Variants in VPS13C observed in about 807,000 individuals in gnomAD.
VPS13C encodes the protein intermembrane lipid transfer protein VPS13C.
VPS13C carries 358 observed loss-of-function variants against 456.8 expected under a neutral mutation model. The observed-to-expected ratio is 0.78, with a 90% CI of 0.72 to 0.86. The LOEUF (loss-of-function observed/expected upper bound fraction) is 0.86, where lower values mean the gene tolerates loss of function less well. Among genes scored for constraint, VPS13C ranks in the 40% least tolerant of loss-of-function variants. The probability of loss-of-function intolerance (pLI) is 0.00; values close to 1 mark genes in which losing one functional copy is unlikely to be tolerated. For missense variants in VPS13C, 4,818 were observed against 4,385.4 expected (o/e 1.10, Z -2.79); for synonymous variants, 1,578 against 1,486.7 (o/e 1.06, Z -1.41).
intron 14 of VPS13C, among the ~76,000 whole-genome samples, chr15:62,008,335 A>T (rs536273965): frequency 6.6e-6 from 1 of 152,096 alleles, no homozygotes; most frequent in East Asian, 1.9e-4. Context: ...GGGAGGCACA[A>T]GTTGCAGTGA....
chr15:62,029,993 T>C (rs1401655741), intron 5 of VPS13C, among the ~76,000 whole-genome samples: 1 of 152,040 alleles, frequency 6.6e-6, no homozygotes, highest in African/African-American at 2.4e-5. Context: ...GAATTAAACA[T>C]AGACGAGCAA....
intron 19 of VPS13C, 52 bp downstream of exon 19, chr15:61,984,805 G>T: frequency 1.3e-6 from 2 of 1,550,300 alleles, no homozygotes; most frequent in Non-Finnish European, 1.8e-6. Flanking sequence ...CACATTTTTT[G>T]CCTAAAACTA....
intron 66 of VPS13C, among the ~76,000 whole-genome samples, chr15:61,894,447 T>C (rs1555412614): frequency 1.3e-5 from 2 of 151,626 alleles, no homozygotes; most frequent in Non-Finnish European, 2.9e-5. Context: ...CTGGGTAAAT[T>C]AAAAAATATG....
chr15:61,971,616 G>T (rs187429710), intron 27 of VPS13C, among the ~76,000 whole-genome samples: 52 of 152,300 alleles, frequency 3.4e-4, no homozygotes, highest in Admixed American at 2.9e-3. Flanking sequence ...GTACCTGATG[G>T]AAGCAAAGAC....
chr15:62,053,123 A>G (rs2140791651), intron 1 of VPS13C, among the ~76,000 whole-genome samples: 1 of 152,306 alleles, frequency 6.6e-6, no homozygotes, highest in East Asian at 1.9e-4. Context: ...CTGAGCCTAA[A>G]TATGTATTAC....
intron 67 of VPS13C, 74 bp downstream of exon 67, chr15:61,890,091 C>A: frequency 7.2e-7 from 1 of 1,398,320 alleles, no homozygotes; most frequent in South Asian, 1.3e-5. Context: ...TATCTTTTTA[C>A]TTTCTTCAAA....
At chr15:62,037,317 T>C (rs1249298570) in intron 3 of VPS13C, among the ~76,000 whole-genome samples, 2 of 71,270 alleles carry the variant, frequency 2.8e-5, no homozygotes, top group Non-Finnish European at 5.0e-5. Context: ...TATAAATATA[T>C]TATATATTAT....
intron 66 of VPS13C, among the ~76,000 whole-genome samples, chr15:61,899,070 A>C (rs2042919042): frequency 1.8e-5 from 1 of 54,432 alleles, no homozygotes; most frequent in African/African-American, 7.3e-5. Flanking sequence ...ACAAAGACAC[A>C]ACATACCAGA....
chr15:61,924,077 G>A (rs557325783), intron 53 of VPS13C, among the ~76,000 whole-genome samples: 33 of 151,010 alleles, frequency 2.2e-4, no homozygotes, highest in South Asian at 1.1e-3. Flanking sequence ...CGTTTTAGCC[G>A]GGATGGTCTC....
intron 6 of VPS13C, 81 bp from the exon 7 acceptor site, chr15:62,023,926 T>G: frequency 3.0e-6 from 4 of 1,347,844 alleles, no homozygotes; most frequent in Non-Finnish European, 3.0e-6. Context: ...AACAAGAGAA[T>G]TTTTCCTAAC....
In VPS13C at chr15:61,962,867, GTAT is replaced by G. The variant is rs750718765; in HGVS notation, c.3332-18_3332-16del. 1 of 1,534,994 alleles carries G rather than the reference GTAT, an allele frequency of 6.5e-7. No homozygotes were observed. The highest frequency in any genetic ancestry group is 8.9e-7 in the Non-Finnish European group (1 of 1,118,726). On this transcript the variant is annotated splice_polypyrimidine_tract_variant and intron_variant, in intron 32 of 84. Coordinates refer to ENST00000644861, the MANE Select transcript of VPS13C (RefSeq NM_020821.3). ...GGAATCCAGTCCTGAAAAAAAGAGT[GTAT>G]TATTATAATTTCTACAGACCTACCA...
intron 1 of VPS13C, among the ~76,000 whole-genome samples, 193 bp from the exon 2 acceptor site, chr15:62,044,448 T>C (rs112785722): frequency 3.2e-4 from 49 of 152,302 alleles, no homozygotes; most frequent in African/African-American, 1.0e-3. Flanking sequence ...TAGCATACTA[T>C]AGGTTAATCC....
intron 31 of VPS13C, among the ~76,000 whole-genome samples, chr15:61,964,183 A>C (rs1302742607): frequency 2.0e-5 from 3 of 152,098 alleles, no homozygotes; most frequent in Admixed American, 2.0e-4. Flanking sequence ...ACTACAATAA[A>C]TAAATAAGGA....
intron 37 of VPS13C, among the ~76,000 whole-genome samples, chr15:61,957,471 T>C (rs577454690): frequency 6.6e-6 from 1 of 152,222 alleles, no homozygotes; most frequent in African/African-American, 2.4e-5. Flanking sequence ...AGTAAAATAG[T>C]TTTTTAATAA....
rs60910951 is a variant in VPS13C at position 61,914,878 on chromosome 15, T to TAAAAAAAAAAAAAAAAA, written c.8445+738_8445+754dup. Among the ~76,000 whole-genome samples, 39 of 102,052 alleles carry TAAAAAAAAAAAAAAAAA rather than the reference T, an allele frequency of 3.8e-4. 3 individuals carry two copies. Among genetic ancestry groups the TAAAAAAAAAAAAAAAAA allele is most frequent in the African/African-American group, 5.5e-4 (15 of 27,090 alleles). The allele number at this position is 102,052 out of a possible 152,430, so 67.0% of individuals were successfully genotyped here. A position where few individuals can be genotyped will look rare whatever the true frequency, so the allele number is the denominator to read the frequency against. On this transcript the variant is annotated intron_variant, in intron 61 of 84. Coordinates refer to ENST00000644861, the MANE Select transcript of VPS13C (RefSeq NM_020821.3). The stretch of plus-strand genomic sequence containing the variant: ...ACCGAGCCTGGCCAAAACTCTGCCT[T>TAAAAAAAAAAAAAAAAA]AAAAAAAAAAAAAAAAAAAAAAAAA...
intron 8 of VPS13C, among the ~76,000 whole-genome samples, chr15:62,023,139 C>T (rs1332479388): frequency 5.3e-5 from 8 of 151,712 alleles, no homozygotes; most frequent in Admixed American, 5.3e-4. Flanking sequence ...TATGTCTTAA[C>T]ACGTAAAATA....
At chr15:61,880,483 G>T in intron 73 of VPS13C, 126 bp downstream of exon 73, 4 of 595,238 alleles carry the variant, frequency 6.7e-6, no homozygotes, top group Non-Finnish European at 5.7e-6. Flanking sequence ...TAATTATTTC[G>T]ATTAATCAAA....
rs1567004435 is a variant in VPS13C, at chr15:61,920,356, TAAAATTTTTGA to T, written c.7213-36_7213-26del. ...CCTGAAAAGGAACATATCATCACAG[TAAAATTTTTGA>T]AAAACATACATTCTTCCCAAAACCT... On this transcript the variant is annotated intron_variant, in intron 56 of 84. Coordinates refer to ENST00000644861, the MANE Select transcript of VPS13C (RefSeq NM_020821.3). 2.6e-6 allele frequency: 4 copies of T among 1,540,394 alleles called. No individual in the cohort carries two copies. The African/African-American group carries it at 4.2e-5, about 16-fold the overall frequency.
intron 81 of VPS13C, chr15:61,864,863 T>G (rs771948666): frequency 3.2e-5 from 31 of 975,460 alleles, no homozygotes; most frequent in Non-Finnish European, 3.5e-5. Flanking sequence ...ATGTAATGCA[T>G]TTATCTGCAG....
Sources: gnomAD v4.1 joint callset for allele counts (sites outside exome capture counted in the v4.1 genomes callset) on GRCh38, gnomAD v4.1.1 for gene constraint, MANE v1.5 for transcripts, NCBI Gene and HGNC (gene_info 2026-07-23, HGNC 2026-07-21) for gene names.